The following KCNQ1 variants were observed in gnomAD, a reference collection of about 807,000 sequenced individuals.
The protein encoded by KCNQ1 is potassium voltage-gated channel subfamily Q member 1.
KCNQ1 carries 49 observed loss-of-function variants against 72.4 expected under a neutral mutation model. The ratio of observed to expected loss-of-function variants is 0.68; its 90% CI spans 0.54 to 0.86. The LOEUF (loss-of-function observed/expected upper bound fraction) is 0.86, where lower values mean the gene tolerates loss of function less well. Ranked by LOEUF, KCNQ1 falls within the 40% of genes least tolerant of loss-of-function variation. KCNQ1 has a pLI of 0.00. For synonymous variants in KCNQ1, 450 were observed against 412.6 expected, an observed-to-expected ratio of 1.09 and a Z score of -1.10; for missense variants, 790 against 945.1, an observed-to-expected ratio of 0.84 and a Z score of 2.15.
At chr11:2,717,045 G>A (rs903299735) in intron 11 of KCNQ1, among the ~76,000 whole-genome samples, 1 of 152,220 alleles carries the variant, frequency 6.6e-6, no homozygotes, top group African/African-American at 2.4e-5. Flanking sequence ...CAGCCCCCCA[G>A]ATGTCCTGCC....
At position 2,658,987 on chromosome 11, in the gene KCNQ1, G is replaced by A; in HGVS notation, c.1394-2974G>A. 1 of 398,530 alleles carries A rather than the reference G, an allele frequency of 2.5e-6. No individual in the cohort carries two copies. Among genetic ancestry groups the A allele is most frequent in the South Asian group, 1.3e-4 (1 of 7,844 alleles). 24.7% of individuals were successfully genotyped at this position (398,530 alleles called of 1,614,324 possible). On this transcript the variant is annotated intron_variant, in intron 10 of 15. Coordinates refer to ENST00000155840, the MANE Select transcript of KCNQ1 (RefSeq NM_000218.3). This position sits in a 1 kb window ranked among gnomAD's most constrained non-coding sequence, Gnocchi z 4.9. ...AACCATAGAGTGTCCAGTCAAAACAGTGTTTTTGAAAGCAACATATGCCAG... is the reference window on the plus strand; with the variant it reads ...AACCATAGAGTGTCCAGTCAAAACAATGTTTTTGAAAGCAACATATGCCAG...
intron 1 of KCNQ1, among the ~76,000 whole-genome samples, chr11:2,445,775 C>T (rs1238362559): frequency 6.6e-6 from 1 of 152,124 alleles, no homozygotes; most frequent in East Asian, 1.9e-4. Flanking sequence ...GAGGGTAGTC[C>T]AGGTGTGAAT....
intron 1 of KCNQ1, among the ~76,000 whole-genome samples, chr11:2,517,350 C>T (rs736609): frequency 0.53 from 79,930 of 151,988 alleles, 21,659 homozygotes; most frequent in Non-Finnish European, 0.6. Flanking sequence ...GCTCCTGGGA[C>T]ACCCTGGAGG....
chr11:2,785,981 C>G lies in KCNQ1; in HGVS notation c.1794+7944C>G, dbSNP rs528587540. On this transcript the variant is annotated intron_variant, in intron 15 of 15. Coordinates refer to ENST00000155840, the MANE Select transcript of KCNQ1 (RefSeq NM_000218.3). The surrounding 1 kb of genome is among the most constrained non-coding windows in gnomAD (Gnocchi z 4.4). ...TAGTTGAACTGTGTTTAATTTTTAA[C>G]TCACTAATTGGTAGTGTTTTATACA... Among the ~76,000 whole-genome samples, 1 of 152,198 alleles carries G rather than the reference C, an allele frequency of 6.6e-6. No individual in the cohort carries two copies. The highest frequency in any genetic ancestry group is 1.9e-4 in the East Asian group (1 of 5,190).
Position 2,715,462 on chromosome 11 carries a change from G to GCCTGGCT in KCNQ1, c.1515-53380_1515-53374dup, listed in dbSNP as rs1851077372. Reference sequence around the variant, plus strand: ...GGGAGGCCAGGGAGGACCCCCTGCAGCCTGGCTCAGGCAGGGGCATGTGTG... The same window carrying GCCTGGCT: ...GGGAGGCCAGGGAGGACCCCCTGCAGCCTGGCTCCTGGCTCAGGCAGGGGCATGTGTG... On this transcript the variant is annotated intron_variant, in intron 11 of 15. Coordinates refer to ENST00000155840, the MANE Select transcript of KCNQ1 (RefSeq NM_000218.3). The surrounding 1 kb of genome is among the most constrained non-coding windows in gnomAD (Gnocchi z 4.9). 6.6e-6 allele frequency among the ~76,000 whole-genome samples: 1 copy of GCCTGGCT among 152,086 alleles called. No homozygotes were observed. Among genetic ancestry groups the GCCTGGCT allele is most frequent in the African/African-American group, 2.4e-5 (1 of 41,406 alleles).
At chr11:2,845,772 G>A (rs1848313560) in intron 15 of KCNQ1, among the ~76,000 whole-genome samples, 1 of 152,164 alleles carries the variant, frequency 6.6e-6, no homozygotes. Flanking sequence ...CTCTGGGCAG[G>A]GCACAGTCCC....
intron 14 of KCNQ1, 166 bp from the exon 15 acceptor site, chr11:2,777,810 C>A: frequency 1.5e-6 from 1 of 663,040 alleles, no homozygotes; most frequent in Non-Finnish European, 2.7e-6. Context: ...CCGTACCACC[C>A]CTGGTATTTT....
rs1846841727 is a variant in KCNQ1, at chr11:2,782,573, C to G, written c.1794+4536C>G. 6.6e-6 allele frequency among the ~76,000 whole-genome samples: 1 copy of G among 152,116 alleles called. No individual in the cohort carries two copies. Among genetic ancestry groups the G allele is most frequent in the South Asian group, 2.1e-4 (1 of 4,828 alleles). ...GAATTTAAAGGTAAAGACATCTAGG[C>G]CTGGTGTTTTCTTTGTGGGAAGATT... is the stretch of plus-strand genomic sequence containing the variant. On this transcript the variant is annotated intron_variant, in intron 15 of 15. Coordinates refer to ENST00000155840, the MANE Select transcript of KCNQ1 (RefSeq NM_000218.3). The surrounding 1 kb of genome is among the most constrained non-coding windows in gnomAD (Gnocchi z 6.1).
At position 2,652,613 on chromosome 11, in the gene KCNQ1, T is replaced by C. The variant is rs1849773792; in HGVS notation, c.1394-9348T>C. 1 of 398,394 alleles carries C rather than the reference T, an allele frequency of 2.5e-6. No homozygotes were observed. Among genetic ancestry groups the C allele is most frequent in the Non-Finnish European group, 4.4e-6 (1 of 226,072 alleles). 24.7% of individuals were successfully genotyped at this position (398,394 alleles called of 1,614,324 possible). A position where few individuals can be genotyped will look rare whatever the true frequency, so the allele number is the denominator to read the frequency against. On this transcript the variant is annotated intron_variant, in intron 10 of 15. Transcript: ENST00000155840. The surrounding 1 kb of genome is among the most constrained non-coding windows in gnomAD (Gnocchi z 5.9). ...GCTGCCTGGAACCTTCCCCTGAAAA[T>C]GTGTCTTGGGAGACCTAGACAGTGA...
intron 11 of KCNQ1, chr11:2,675,333 C>T (rs1850274740): frequency 2.5e-6 from 1 of 398,320 alleles, no homozygotes; most frequent in Admixed American, 4.4e-5. Context: ...GGATCTAAGT[C>T]ATATTTTTTT....
At chr11:2,631,087 C>A (rs1030086423) in intron 10 of KCNQ1, 10 of 398,384 alleles carry the variant, frequency 2.5e-5, no homozygotes, top group African/African-American at 1.9e-4. Context: ...AATTGTAATT[C>A]TTTGAGCTTC....
intron 10 of KCNQ1, chr11:2,618,549 A>G: frequency 2.5e-6 from 1 of 398,534 alleles, no homozygotes; most frequent in Non-Finnish European, 4.4e-6. Context: ...ATTCTGTTCC[A>G]CTGGTCTACA....
At chr11:2,738,460 A>C (rs1845995703) in intron 11 of KCNQ1, among the ~76,000 whole-genome samples, 1 of 152,192 alleles carries the variant, frequency 6.6e-6, no homozygotes, top group African/African-American at 2.4e-5. Flanking sequence ...CGTGTGTGAC[A>C]AGGGAATCTC....
chr11:2,654,961 G>T lies in KCNQ1; in HGVS notation c.1394-7000G>T. The T allele has an allele frequency of 2.5e-6, 1 of 398,522 alleles. No homozygotes were observed. The highest frequency in any genetic ancestry group is 1.3e-4 in the South Asian group (1 of 7,808). The allele number at this position is 398,522 out of a possible 1,614,324, so 24.7% of individuals were successfully genotyped here. A position where few individuals can be genotyped will look rare whatever the true frequency, so the allele number is the denominator to read the frequency against. ...AGACTTCCACAAATTATTGTTTCTT[G>T]ACTTGGAAAAGTATCATGCAAAATA... On this transcript the variant is annotated intron_variant, in intron 10 of 15. Coordinates refer to ENST00000155840, the MANE Select transcript of KCNQ1 (RefSeq NM_000218.3). The surrounding 1 kb of genome is among the most constrained non-coding windows in gnomAD (Gnocchi z 6.4).
intron 11 of KCNQ1, among the ~76,000 whole-genome samples, chr11:2,727,750 C>A (rs548090252): frequency 1.3e-5 from 2 of 152,242 alleles, no homozygotes; most frequent in African/African-American, 4.8e-5. Flanking sequence ...TGCAGAAGGG[C>A]GAGCAGACAG....
chr11:2,668,816 TAATC>T lies in KCNQ1; in HGVS notation c.1514+6738_1514+6741del, dbSNP rs1198533381. ...GGTCTTAATTTTCATGTGGTCCAGT[TAATC>T]AAACATTTCCTCTCTGGATAGGGCT... On this transcript the variant is annotated intron_variant, in intron 11 of 15. Coordinates refer to ENST00000155840, the MANE Select transcript of KCNQ1 (RefSeq NM_000218.3). This position sits in a 1 kb window ranked among gnomAD's most constrained non-coding sequence, Gnocchi z 4.3. 2.5e-6 allele frequency: 1 copy of T among 398,528 alleles called. No individual in the cohort carries two copies. Among genetic ancestry groups the T allele is most frequent in the South Asian group, 1.3e-4 (1 of 7,862 alleles). The allele number at this position is 398,528 out of a possible 1,614,324, so 24.7% of individuals were successfully genotyped here. A position where few individuals can be genotyped will look rare whatever the true frequency, so the allele number is the denominator to read the frequency against.
rs1175834760 is a variant in KCNQ1, at chr11:2,543,505, C to T, written c.477+15487C>T. Among the ~76,000 whole-genome samples the T allele has an allele frequency of 6.6e-6, 1 of 152,182 alleles. No homozygotes were observed. Among genetic ancestry groups the T allele is most frequent in the East Asian group, 1.9e-4 (1 of 5,204 alleles). Reference sequence around the variant, plus strand: ...CCCAGGCTGGTGTCAAACTCCTGGCCTCAAGCGATCCCCTTGCCTCGGCCT... The same window carrying T: ...CCCAGGCTGGTGTCAAACTCCTGGCTTCAAGCGATCCCCTTGCCTCGGCCT... On this transcript the variant is annotated intron_variant, in intron 2 of 15. Transcript: ENST00000155840. This position sits in a 1 kb window ranked among gnomAD's most constrained non-coding sequence, Gnocchi z 5.6.
chr11:2,478,365 T>G lies in KCNQ1; in HGVS notation c.386+32881T>G, dbSNP rs764057616. 2.0e-5 allele frequency among the ~76,000 whole-genome samples: 3 copies of G among 152,182 alleles called. No homozygotes were observed. Among genetic ancestry groups the G allele is most frequent in the Non-Finnish European group, 4.4e-5 (3 of 68,032 alleles). ...TTCAAATTACTGATAAAGACATACC[T>G]GAGACTGGATAATTTATAAAGGGAA... is the stretch of plus-strand genomic sequence containing the variant. On this transcript the variant is annotated intron_variant, in intron 1 of 15. Transcript: ENST00000155840. This position sits in a 1 kb window ranked among gnomAD's most constrained non-coding sequence, Gnocchi z 4.0.
intron 11 of KCNQ1, chr11:2,675,422 C>A: frequency 2.5e-6 from 1 of 398,512 alleles, no homozygotes; most frequent in South Asian, 1.3e-4. Context: ...AATATATTGT[C>A]ATTTTGCGTT....
Sources: gnomAD v4.1 joint callset for allele counts (sites outside exome capture counted in the v4.1 genomes callset) on GRCh38, gnomAD v4.1.1 for gene constraint, Gnocchi (gnomAD v3.1) non-coding constraint, MANE v1.5 for transcripts, NCBI Gene and HGNC (gene_info 2026-07-23, HGNC 2026-07-21) for gene names.